MYH10: variants seen among roughly 807,000 people sequenced by gnomAD.
The protein encoded by MYH10 is myosin-10.
Under a neutral mutation model 257.8 loss-of-function variants are expected in MYH10, and 55 were observed. The ratio of observed to expected loss-of-function variants is 0.21; its 90% confidence interval spans 0.17 to 0.27. MYH10 has a LOEUF of 0.27. Among genes scored for constraint, MYH10 ranks in the 10% least tolerant of loss-of-function variants. The pLI, the probability that MYH10 is intolerant of heterozygous loss-of-function variation, is 1.00. For synonymous variants in MYH10, 854 were observed against 921.7 expected (o/e 0.93, Z 1.33); for missense variants, 1,631 against 2,500.6 (o/e 0.65, Z 7.42).
chr17:8,610,374 A>G (rs2084989367), intron 2 of MYH10, among the ~76,000 whole-genome samples: 1 of 149,260 alleles, frequency 6.7e-6, no homozygotes, highest in Non-Finnish European at 1.5e-5. Context: ...AGATCACTTG[A>G]GCTCAGGAGT....
chr17:8,615,383 T>C (rs2085216762), intron 2 of MYH10, among the ~76,000 whole-genome samples: 1 of 151,970 alleles, frequency 6.6e-6, no homozygotes, highest in African/African-American at 2.4e-5. Flanking sequence ...TAAAAAGAAA[T>C]AACATCAATC....
rs769462957 is a variant in MYH10, at chr17:8,477,029, C to G, written c.5726G>C (p.Arg1909Pro). 1 of 1,613,998 alleles carries G rather than the reference C, an allele frequency of 6.2e-7. No individual in the cohort carries two copies. Among genetic ancestry groups the G allele is most frequent in the Non-Finnish European group, 8.5e-7 (1 of 1,180,036 alleles). Residue 1909 changes from arginine to proline, a missense_variant, in exon 42 of 43, where the codon CGG becomes CCG. By Grantham distance (103) the Arg-to-Pro change is moderately radical (BLOSUM62 -2). Coordinates refer to ENST00000360416, the MANE Select transcript of MYH10 (RefSeq NM_001256012.3). This position sits in a 1 kb window ranked among gnomAD's most constrained non-coding sequence, Gnocchi z 4.2. ...YKEQMEKANA[R>P]MKQLKRQLEE... ...CAGCTGGCGTTTAAGCTGCTTCATCCGAGCGTTGGCCTTCTCCATCTTGGG... is the reference window on the plus strand; with the variant it reads ...CAGCTGGCGTTTAAGCTGCTTCATCGGAGCGTTGGCCTTCTCCATCTTGGG...
intron 9 of MYH10, among the ~76,000 whole-genome samples, chr17:8,551,411 A>ATATG (rs1287167411): frequency 6.6e-6 from 1 of 152,180 alleles, no homozygotes; most frequent in African/African-American, 2.4e-5. Flanking sequence ...CTTTTACTGT[A>ATATG]TATGTGTCTA....
chr17:8,618,971 G>T (rs766240609), intron 2 of MYH10, among the ~76,000 whole-genome samples: 18 of 152,100 alleles, frequency 1.2e-4, no homozygotes, highest in Non-Finnish European at 2.5e-4. Flanking sequence ...GAAAATGTCT[G>T]CCAAATACCT....
intron 7 of MYH10, among the ~76,000 whole-genome samples, chr17:8,562,869 A>G (rs921237234): frequency 1.3e-5 from 2 of 152,242 alleles, no homozygotes. Context: ...AAGAAAATAA[A>G]ATGAAAATTA....
rs77979058 is a variant in MYH10, at chr17:8,594,055, T to C, written c.503-4947A>G. Among the ~76,000 whole-genome samples the C allele has an allele frequency of 3.8e-4, 58 of 152,264 alleles. 1 individual carries two copies. The East Asian group carries it at 6.9e-3, about 18-fold the overall frequency. ...CCACAAAGGTACAAAGGCAATTCAATGGAGAAATAGTTGTTTCAACAAATA... is the reference window on the plus strand; with the variant it reads ...CCACAAAGGTACAAAGGCAATTCAACGGAGAAATAGTTGTTTCAACAAATA... On this transcript the variant is annotated intron_variant, in intron 3 of 42. Transcript: ENST00000360416.
chr17:8,518,724 C>A lies in MYH10; in HGVS notation c.2411G>T (p.Gly804Val). The change falls in exon 21 of 43, where the codon GGA (glycine) becomes GTA (valine). Residue 804 changes from glycine (G) to valine (V), a missense_variant. Gly to Val is a moderately radical substitution (Grantham distance 109). Around this residue, in one of 11 missense-constraint regions of MYH10, gnomAD observed 116 missense variants for 221.6 expected, o/e 0.52. Coordinates refer to ENST00000360416, the MANE Select transcript of MYH10 (RefSeq NM_001256012.3). ...IGQSKIFFRA[G>V]VLAHLEEERD... ...TTCTTCCTCTAAGTGTGCCAGAACTCCAGCTCTGAAAAATATCTTGCTCTG... is the reference window on the plus strand; with the variant it reads ...TTCTTCCTCTAAGTGTGCCAGAACTACAGCTCTGAAAAATATCTTGCTCTG... 6.2e-7 allele frequency: 1 copy of A among 1,614,040 alleles called. No individual in the cohort carries two copies. Among genetic ancestry groups the A allele is most frequent in the Non-Finnish European group, 8.5e-7 (1 of 1,179,914 alleles).
intron 3 of MYH10, among the ~76,000 whole-genome samples, chr17:8,591,698 T>C (rs2084147881): frequency 6.6e-6 from 1 of 152,030 alleles, no homozygotes; most frequent in Admixed American, 6.5e-5. Context: ...GTACATGCTA[T>C]TATCAATGTC....
At position 8,623,214 on chromosome 17, in the gene MYH10, C is replaced by T; in HGVS notation, c.33G>A (p.Glu11=). The change falls in exon 2 of 43, where the codon GAG becomes GAA. Residue 11 remains glutamate (E), a synonymous_variant. Transcript: ENST00000360416. MAQRTGLEDP[E]RYLFVDRAVI... is the part of the protein sequence containing the mutation. ...CAGCCCTGTCCACAAAGAGATACCTCTCTGGATCCTCGAGTCCAGTTCTCT... is the reference window on the plus strand; with the variant it reads ...CAGCCCTGTCCACAAAGAGATACCTTTCTGGATCCTCGAGTCCAGTTCTCT... 3.7e-6 allele frequency: 6 copies of T among 1,601,270 alleles called. No individual in the cohort carries two copies. The highest frequency in any genetic ancestry group is 5.1e-6 in the Non-Finnish European group (6 of 1,175,264).
At chr17:8,592,816 GAAA>G (rs67151329) in intron 3 of MYH10, among the ~76,000 whole-genome samples, 26 of 30,424 alleles carry the variant, frequency 8.5e-4, no homozygotes, top group African/African-American at 3.0e-3. Flanking sequence ...AATGAAATCA[GAAA>G]AAAAAAAAAA....
In MYH10 at chr17:8,610,020, T is replaced by G. The variant is rs564012592; in HGVS notation, c.346-5038A>C. Among the ~76,000 whole-genome samples, 7 of 151,854 alleles carry G rather than the reference T, an allele frequency of 4.6e-5. No individual in the cohort carries two copies. In the East Asian group the frequency reaches 9.7e-4, roughly 21 times the overall value. On this transcript the variant is annotated intron_variant, in intron 2 of 42. Coordinates refer to ENST00000360416, the MANE Select transcript of MYH10 (RefSeq NM_001256012.3). The stretch of plus-strand genomic sequence containing the variant: ...GGCACTGGACTCACCATTTTGCAGC[T>G]CCCAGTGCCACAGTGGATCTGCACA...
intron 23 of MYH10, 140 bp from the exon 24 acceptor site, chr17:8,512,797 T>C: frequency 1.4e-6 from 1 of 698,122 alleles, no homozygotes; most frequent in Non-Finnish European, 2.3e-6. Context: ...AACTTTCAAA[T>C]ACGTTTTTGT....
chr17:8,523,638 G>T (rs985262030), intron 17 of MYH10, among the ~76,000 whole-genome samples: 2 of 152,200 alleles, frequency 1.3e-5, no homozygotes, highest in Non-Finnish European at 2.9e-5. Context: ...CTGCAGAATG[G>T]CCTGGGGAAG....
At chr17:8,478,060 G>A (rs1912989720) in intron 41 of MYH10, among the ~76,000 whole-genome samples, 1 of 152,154 alleles carries the variant, frequency 6.6e-6, no homozygotes, top group South Asian at 2.1e-4. Flanking sequence ...AGCAAAACAG[G>A]CAGAAATCCC....
intron 7 of MYH10, among the ~76,000 whole-genome samples, chr17:8,559,004 A>G (rs1398430699): frequency 1.3e-5 from 2 of 152,232 alleles, no homozygotes; most frequent in Non-Finnish European, 2.9e-5. Context: ...AAATAACAGT[A>G]TTCTTTAATC....
At chr17:8,487,123 CA>C (rs1264933569) in intron 36 of MYH10, among the ~76,000 whole-genome samples, 2 of 152,212 alleles carry the variant, frequency 1.3e-5, no homozygotes, top group Admixed American at 1.3e-4. Flanking sequence ...ACAAAAGCTA[CA>C]GCACTAAGGG....
intron 3 of MYH10, among the ~76,000 whole-genome samples, chr17:8,599,671 A>G (rs1683994816): frequency 1.3e-5 from 2 of 152,210 alleles, no homozygotes; most frequent in Admixed American, 1.3e-4. Flanking sequence ...GGAAGGAACT[A>G]ACTTTCTTAT....
chr17:8,499,563 CCTA>C lies in MYH10; in HGVS notation c.3745-90_3745-88del. 2.5e-6 allele frequency: 3 copies of C among 1,177,372 alleles called. No homozygotes were observed. The African/African-American group carries it at 5.8e-5, about 23-fold the overall frequency. 72.9% of individuals were successfully genotyped at this position (1,177,372 alleles called of 1,614,324 possible). On this transcript the variant is annotated intron_variant, in intron 29 of 42. Transcript: ENST00000360416. ...TGCTTTTTGAGTCTGCAGAATTGTG[CCTA>C]ACACACAGTGAGTCTGTAGTCAACA...
chr17:8,606,918 C>A (rs954073608), intron 2 of MYH10, among the ~76,000 whole-genome samples: 2 of 152,218 alleles, frequency 1.3e-5, no homozygotes, highest in Admixed American at 6.5e-5. Flanking sequence ...CAAACCCTGG[C>A]TGGCCCTTGG....
Sources: allele counts gnomAD v4.1 joint callset (sites outside exome capture counted in the v4.1 genomes callset), GRCh38; gene constraint gnomAD v4.1.1; regional missense constraint gnomAD v4.1.1; non-coding constraint Gnocchi (gnomAD v3.1); transcripts MANE v1.5; gene names NCBI Gene and HGNC (gene_info 2026-07-23, HGNC 2026-07-21).